Variants in ADAMTSL1 observed in about 807,000 individuals in gnomAD.
ADAMTSL1 encodes ADAMTS like 1.
Under a neutral mutation model 201.8 loss-of-function variants are expected in ADAMTSL1, and 126 were observed. That is an observed-to-expected ratio of 0.62 (90% confidence interval 0.54 to 0.72). The LOEUF is 0.72. ADAMTSL1 is among the 30% of genes least tolerant of loss of function. The probability of loss-of-function intolerance (pLI) is 0.00; values close to 1 mark genes in which losing one functional copy is unlikely to be tolerated. For missense variants in ADAMTSL1, 2,679 were observed against 2,277.8 expected, an observed-to-expected ratio of 1.18 and a Z score of -3.59; for synonymous variants, 1,121 against 903.4, an observed-to-expected ratio of 1.24 and a Z score of -4.32.
intron 2 of ADAMTSL1, among the ~76,000 whole-genome samples, chr9:18,315,623 G>A (rs1185191587): frequency 6.6e-6 from 1 of 152,186 alleles, no homozygotes; most frequent in African/African-American, 2.4e-5. Context: ...GCCGCTCTGA[G>A]TGCGGGGCCC....
intron 2 of ADAMTSL1, among the ~76,000 whole-genome samples, chr9:18,207,827 T>C (rs978185292): frequency 6.6e-6 from 1 of 152,124 alleles, no homozygotes; most frequent in Non-Finnish European, 1.5e-5. Flanking sequence ...CAAGATAGGA[T>C]AAATAATTAT....
chr9:18,599,236 T>G (rs1220074665), intron 4 of ADAMTSL1, among the ~76,000 whole-genome samples: 1 of 152,208 alleles, frequency 6.6e-6, no homozygotes, highest in Non-Finnish European at 1.5e-5. Flanking sequence ...GTTTTTTGAA[T>G]AGGGTAACAA....
chr9:18,721,125 A>C (rs990950805), intron 14 of ADAMTSL1, among the ~76,000 whole-genome samples: 5 of 152,168 alleles, frequency 3.3e-5, no homozygotes, highest in African/African-American at 1.2e-4. Flanking sequence ...CTCCCTTCCA[A>C]ATACAACGAT....
At chr9:18,695,054 T>C (rs1831466799) in intron 13 of ADAMTSL1, among the ~76,000 whole-genome samples, 1 of 152,202 alleles carries the variant, frequency 6.6e-6, no homozygotes, top group South Asian at 2.1e-4. Flanking sequence ...GGAGCCCTTT[T>C]AGCCATGGCT....
At chr9:18,409,644 TAGTTCTATTATTCCC>T (rs1818350238) in intron 2 of ADAMTSL1, among the ~76,000 whole-genome samples, 1 of 150,986 alleles carries the variant, frequency 6.6e-6, no homozygotes, top group Non-Finnish European at 1.5e-5. Flanking sequence ...GTTCTTTTCC[TAGTTCTATTATTCCC>T]AGTTAAAACT....
At chr9:18,099,918 G>A (rs1278589959) in intron 1 of ADAMTSL1, among the ~76,000 whole-genome samples, 1 of 151,954 alleles carries the variant, frequency 6.6e-6, no homozygotes, top group South Asian at 2.1e-4. Context: ...GAGCCGCTGC[G>A]CCCGGCCCTT....
intron 1 of ADAMTSL1, among the ~76,000 whole-genome samples, chr9:18,157,702 A>G (rs886106373): frequency 6.6e-6 from 1 of 152,044 alleles, no homozygotes; most frequent in African/African-American, 2.4e-5. Context: ...CAAACAGAAT[A>G]CTGAAATGTT....
At chr9:18,649,274 T>C (rs986776165) in intron 7 of ADAMTSL1, among the ~76,000 whole-genome samples, 3 of 152,110 alleles carry the variant, frequency 2.0e-5, no homozygotes, top group African/African-American at 7.2e-5. Flanking sequence ...TTGGTTATTC[T>C]AGTTATACAT....
chr9:18,880,098 T>C (rs1200483352), intron 23 of ADAMTSL1, among the ~76,000 whole-genome samples: 1 of 152,190 alleles, frequency 6.6e-6, no homozygotes, highest in Non-Finnish European at 1.5e-5. Flanking sequence ...CTTCAGGCTT[T>C]ACTTCTCATA....
chr9:18,579,028 T>C (rs993168164), intron 4 of ADAMTSL1, among the ~76,000 whole-genome samples: 6 of 152,024 alleles, frequency 3.9e-5, no homozygotes, highest in African/African-American at 1.4e-4. Flanking sequence ...AAATGTCTTC[T>C]TTTGAGAAGT....
chr9:18,422,343 A>T (rs1259720302), intron 2 of ADAMTSL1, among the ~76,000 whole-genome samples: 2 of 152,036 alleles, frequency 1.3e-5, no homozygotes, highest in Non-Finnish European at 2.9e-5. Flanking sequence ...TTCTTCCTAC[A>T]CCTCACTGAA....
At chr9:18,850,850 C>T (rs966287212) in intron 23 of ADAMTSL1, among the ~76,000 whole-genome samples, 10 of 152,164 alleles carry the variant, frequency 6.6e-5, no homozygotes, top group African/African-American at 9.7e-5. Flanking sequence ...ACAAAACCAG[C>T]CAATCTCAGG....
intron 3 of ADAMTSL1, 35 bp downstream of exon 3, chr9:18,533,327 T>A: frequency 6.3e-7 from 1 of 1,584,950 alleles, no homozygotes; most frequent in Non-Finnish European, 8.6e-7. Flanking sequence ...AATCATGTAT[T>A]TTTGTTAGCA....
intron 2 of ADAMTSL1, among the ~76,000 whole-genome samples, chr9:18,523,762 C>T (rs1450683935): frequency 7.9e-5 from 11 of 139,722 alleles, no homozygotes; most frequent in Admixed American, 2.3e-4. Flanking sequence ...AGATATGCGG[C>T]GTTATTTCTG....
Position 18,294,667 on chromosome 9 carries a change from A to T in ADAMTSL1, c.207+130686A>T, listed in dbSNP as rs1236241420. ...TGAGCCCTTTCTAAGGAAAGCTCTC[A>T]GTCTTCAGACTCCAGAGGGGGCTCT... On this transcript the variant is annotated intron_variant, in intron 2 of 29. Transcript: ENST00000680146. 3.9e-5 allele frequency among the ~76,000 whole-genome samples: 6 copies of T among 152,188 alleles called. 1 individual carries two copies. Among genetic ancestry groups the T allele is most frequent in the Admixed American group, 2.0e-4 (3 of 15,272 alleles).
intron 23 of ADAMTSL1, among the ~76,000 whole-genome samples, chr9:18,831,186 C>T (rs1824954409): frequency 6.6e-6 from 1 of 152,214 alleles, no homozygotes; most frequent in Non-Finnish European, 1.5e-5. Context: ...AAATAAGACA[C>T]AGGGAAAGTA....
At chr9:17,912,548 G>C (rs937520825) in intron 1 of ADAMTSL1, among the ~76,000 whole-genome samples, 880 of 68,598 alleles carry the variant, frequency 0.013, 55 homozygotes, top group African/African-American at 0.026. Flanking sequence ...TTTTTTTCTT[G>C]TAAATTTGTT....
intron 13 of ADAMTSL1, among the ~76,000 whole-genome samples, chr9:18,690,027 A>G (rs993181427): frequency 9.9e-5 from 15 of 152,228 alleles, no homozygotes; most frequent in African/African-American, 3.6e-4. Flanking sequence ...AAAGTAAGTA[A>G]GCAGAAGGCA....
chr9:18,856,762 A>G (rs1224135454), intron 23 of ADAMTSL1, among the ~76,000 whole-genome samples: 1 of 152,086 alleles, frequency 6.6e-6, no homozygotes, highest in Non-Finnish European at 1.5e-5. Context: ...CTGGCCCAAG[A>G]AGGATTTTTT....
Sources: allele counts gnomAD v4.1 joint callset (sites outside exome capture counted in the v4.1 genomes callset), GRCh38; gene constraint gnomAD v4.1.1; transcripts MANE v1.5; gene names NCBI Gene and HGNC (gene_info 2026-07-23, HGNC 2026-07-21).